The following MCU variants were observed in gnomAD, a reference collection of about 807,000 sequenced individuals.
MCU encodes the protein calcium uniporter protein, mitochondrial.
In MCU, 12 loss-of-function variants were observed where a neutral mutation model predicts 45.2. The observed-to-expected ratio is 0.27, with a 90% CI of 0.17 to 0.43. MCU has a LOEUF of 0.43. MCU is among the 20% of genes least tolerant of loss of function. The probability of loss-of-function intolerance (pLI) is 1.00; values close to 1 mark genes in which losing one functional copy is unlikely to be tolerated. For synonymous variants in MCU, 160 were observed against 165.1 expected, an observed-to-expected ratio of 0.97 and a Z score of 0.24; for missense variants, 324 against 436.7, an observed-to-expected ratio of 0.74 and a Z score of 2.30.
chr10:72,866,678 G>A (rs1305281171), intron 4 of MCU, among the ~76,000 whole-genome samples: 7 of 152,070 alleles, frequency 4.6e-5, no homozygotes, highest in Non-Finnish European at 7.4e-5. Flanking sequence ...TACAGGCCGC[G>A]CCTGGCCAGT....
At chr10:72,705,932 G>A (rs1205153662) in intron 1 of MCU, among the ~76,000 whole-genome samples, 1 of 152,008 alleles carries the variant, frequency 6.6e-6, no homozygotes, top group South Asian at 2.1e-4. Context: ...GCAGTGAGCC[G>A]AGATCAAACC....
At chr10:72,823,399 T>A (rs1844743940) in intron 1 of MCU, among the ~76,000 whole-genome samples, 1 of 152,176 alleles carries the variant, frequency 6.6e-6, no homozygotes, top group South Asian at 2.1e-4. Flanking sequence ...TGACTTAGAA[T>A]TGCTTGCTAA....
chr10:72,853,570 G>GA (rs1251865269), intron 2 of MCU, among the ~76,000 whole-genome samples: 1 of 152,102 alleles, frequency 6.6e-6, no homozygotes, highest in East Asian at 1.9e-4. Flanking sequence ...GTAGCAGACA[G>GA]AAAAAAATAA....
intron 1 of MCU, among the ~76,000 whole-genome samples, chr10:72,812,998 A>G (rs897866800): frequency 2.6e-5 from 4 of 152,190 alleles, no homozygotes; most frequent in Non-Finnish European, 5.9e-5. Context: ...TGTACTAAAC[A>G]TTAAATAACA....
At chr10:72,706,831 G>A (rs1319666024) in intron 1 of MCU, among the ~76,000 whole-genome samples, 1 of 143,932 alleles carries the variant, frequency 6.9e-6, no homozygotes, top group Admixed American at 7.0e-5. Context: ...CACCGCACCC[G>A]GCCTTTTTTT....
intron 2 of MCU, among the ~76,000 whole-genome samples, chr10:72,835,915 G>A (rs1353143306): frequency 6.6e-6 from 1 of 152,162 alleles, no homozygotes; most frequent in Non-Finnish European, 1.5e-5. Flanking sequence ...AAGAGCCAGA[G>A]GACCATAATG....
At chr10:72,837,918 G>A (rs903165058) in intron 2 of MCU, among the ~76,000 whole-genome samples, 28 of 149,606 alleles carry the variant, frequency 1.9e-4, no homozygotes, top group African/African-American at 6.2e-4. Context: ...GTGCAGTGGC[G>A]CAATCTCGGC....
At position 72,757,659 on chromosome 10, in the gene MCU, A is replaced by C. The variant is rs533335650; in HGVS notation, c.150+65358A>C. Among the ~76,000 whole-genome samples the C allele has an allele frequency of 2.4e-3, 370 of 152,298 alleles. 1 individual carries two copies. The highest frequency in any genetic ancestry group is 8.3e-3 in the African/African-American group (347 of 41,562). On this transcript the variant is annotated intron_variant, in intron 1 of 7. Transcript: ENST00000373053. ...TAGCTAGCTGAAGTGGTCTGAAGAG[A>C]TAATTTGAAGAGTTATTTGATAATA... is the stretch of plus-strand genomic sequence containing the variant.
intron 1 of MCU, among the ~76,000 whole-genome samples, chr10:72,804,381 G>A (rs932573363): frequency 2.6e-5 from 4 of 151,784 alleles, no homozygotes; most frequent in East Asian, 1.9e-4. Context: ...GAGCCATCAC[G>A]CTCGGACAAT....
At chr10:72,777,042 G>C (rs917548040) in intron 1 of MCU, among the ~76,000 whole-genome samples, 8 of 152,266 alleles carry the variant, frequency 5.3e-5, no homozygotes, top group African/African-American at 1.4e-4. Flanking sequence ...TCTGATGAAA[G>C]AAACTGAAGA....
chr10:72,790,522 A>G (rs990977595), intron 1 of MCU, among the ~76,000 whole-genome samples: 1 of 152,214 alleles, frequency 6.6e-6, no homozygotes, highest in Non-Finnish European at 1.5e-5. Context: ...AAAGACTGCA[A>G]CATAATTCTG....
chr10:72,753,796 C>T (rs934734909), intron 1 of MCU, among the ~76,000 whole-genome samples: 6 of 151,856 alleles, frequency 4.0e-5, no homozygotes, highest in African/African-American at 1.5e-4. Context: ...GGAGGATTAC[C>T]GGAGCCTGGG....
In MCU at chr10:72,887,456, T is replaced by G. The variant is rs936873407; in HGVS notation, c.*1634T>G. 1 of 152,762 alleles carries G rather than the reference T, an allele frequency of 6.5e-6. No homozygotes were observed. Among genetic ancestry groups the G allele is most frequent in the African/African-American group, 2.4e-5 (1 of 41,450 alleles). 9.5% of individuals were successfully genotyped at this position (152,762 alleles called of 1,614,324 possible). Reference sequence around the variant, plus strand: ...TCCCTCATTTATTTTTGTTAAGTTGTGTGAATTATTTTTAACCCATTTATC... The same window carrying G: ...TCCCTCATTTATTTTTGTTAAGTTGGGTGAATTATTTTTAACCCATTTATC... On this transcript the variant is annotated 3_prime_UTR_variant, in exon 8 of 8. Coordinates refer to ENST00000373053, the MANE Select transcript of MCU (RefSeq NM_138357.3).
Position 72,879,482 on chromosome 10 carries a change from C to T in MCU, c.862-4784C>T, listed in dbSNP as rs116764213. ...CAATTTCTAGAAAGAAAATAACTGTCATCTTAGACTTCTATACTCAGCAAA... is the reference window on the plus strand; with the variant it reads ...CAATTTCTAGAAAGAAAATAACTGTTATCTTAGACTTCTATACTCAGCAAA... On this transcript the variant is annotated intron_variant, in intron 6 of 7. Transcript: ENST00000373053. Among the ~76,000 whole-genome samples, 995 of 152,262 alleles carry T rather than the reference C, an allele frequency of 6.5e-3. 16 individuals carry two copies. The highest frequency in any genetic ancestry group is 0.023 in the African/African-American group (939 of 41,556).
chr10:72,699,708 C>T (rs1003320715), intron 1 of MCU, among the ~76,000 whole-genome samples: 3 of 151,646 alleles, frequency 2.0e-5, no homozygotes, highest in Non-Finnish European at 4.4e-5. Flanking sequence ...TCTGCTGCCC[C>T]AGCCTCCTGA....
At chr10:72,738,176 TAAG>T (rs1843277214) in intron 1 of MCU, among the ~76,000 whole-genome samples, 1 of 152,236 alleles carries the variant, frequency 6.6e-6, no homozygotes, top group Admixed American at 6.5e-5. Flanking sequence ...TTATAGTAAT[TAAG>T]AAGAATTTAT....
intron 1 of MCU, among the ~76,000 whole-genome samples, chr10:72,695,398 C>T (rs924743069): frequency 1.3e-5 from 2 of 152,212 alleles, no homozygotes; most frequent in Non-Finnish European, 2.9e-5. Context: ...TTGAGTTCCT[C>T]ATAGTCTGGC....
intron 1 of MCU, among the ~76,000 whole-genome samples, chr10:72,809,423 A>C (rs1844504511): frequency 6.6e-6 from 1 of 152,216 alleles, no homozygotes; most frequent in Non-Finnish European, 1.5e-5. Context: ...GGGTGATGGT[A>C]GACTTGATGA....
chr10:72,737,713 T>A (rs189583974), intron 1 of MCU, among the ~76,000 whole-genome samples: 500 of 152,052 alleles, frequency 3.3e-3, no homozygotes, highest in African/African-American at 0.012. Flanking sequence ...AGAGATGGGG[T>A]TTCACCATGT....
Sources: gnomAD v4.1 joint callset for allele counts (sites outside exome capture counted in the v4.1 genomes callset) on GRCh38, gnomAD v4.1.1 for gene constraint, MANE v1.5 for transcripts, NCBI Gene and HGNC (gene_info 2026-07-23, HGNC 2026-07-21) for gene names.